Variants in LYRM4 observed in about 807,000 individuals in gnomAD.
LYRM4 encodes the protein LYR motif containing 4, also known as LYR motif-containing protein 4.
A neutral mutation model predicts 11.7 loss-of-function variants in LYRM4; 9 were observed. That is an observed-to-expected ratio of 0.77 (90% CI 0.46 to 1.34). LYRM4 has a LOEUF of 1.34. LYRM4 is among the 40% of genes most tolerant of loss of function. LYRM4 has a pLI of 0.00. For synonymous variants in LYRM4, 42 were observed against 40.4 expected (o/e 1.04, Z -0.15); for missense variants, 133 against 112.5 (o/e 1.18, Z -0.82).
At chr6:5,136,486 T>A (rs1242189561) in intron 2 of LYRM4, 25 of 953,864 alleles carry the variant, frequency 2.6e-5, no homozygotes, top group Non-Finnish European at 3.1e-5. Flanking sequence ...AACCTTGGGT[T>A]TCACCTAACC....
chr6:5,051,892 A>C, the LYRM4 span, among the ~76,000 whole-genome samples: 18 of 152,196 alleles, frequency 1.2e-4, 1 homozygote, highest in African/African-American at 4.3e-4. Flanking sequence ...GAGAGGTAGC[A>C]GGGAGATACC....
At chr6:5,173,604 T>C (rs1330523132) in intron 2 of LYRM4, among the ~76,000 whole-genome samples, 2 of 152,250 alleles carry the variant, frequency 1.3e-5, no homozygotes, top group Admixed American at 6.5e-5. Context: ...TTCAACTAAA[T>C]TATGCTTTTG....
chr6:5,049,179 C>T, the LYRM4 span, among the ~76,000 whole-genome samples: 1 of 152,138 alleles, frequency 6.6e-6, no homozygotes, highest in African/African-American at 2.4e-5. Flanking sequence ...ACCTTCACTT[C>T]CATCCCTGGT....
chr6:5,078,006 C>T, the LYRM4 span, among the ~76,000 whole-genome samples: 1 of 152,080 alleles, frequency 6.6e-6, no homozygotes, highest in Non-Finnish European at 1.5e-5. Flanking sequence ...CTTTCAGAAA[C>T]ATTTTGGGGT....
chr6:5,037,028 T>TTTTTTTTA, the LYRM4 span, among the ~76,000 whole-genome samples: 165 of 11,614 alleles, frequency 0.014, 57 homozygotes, highest in South Asian at 0.036. Context: ...TTTTTTTTTT[T>TTTTTTTTA]ATTGATCATT....
intron 2 of LYRM4, among the ~76,000 whole-genome samples, chr6:5,190,528 G>A (rs150244913): frequency 3.5e-4 from 53 of 152,314 alleles, no homozygotes; most frequent in Middle Eastern, 3.4e-3. Flanking sequence ...CAGGCATGCA[G>A]AGCGTGATAA....
At chr6:5,144,172 G>A (rs1757566580) in intron 2 of LYRM4, 2 of 1,536,788 alleles carry the variant, frequency 1.3e-6, no homozygotes, top group Middle Eastern at 1.7e-4. Context: ...TCTGTCAGGT[G>A]GTTTCCTCAA....
the LYRM4 span, among the ~76,000 whole-genome samples, chr6:5,071,057 G>C: frequency 3.3e-5 from 5 of 151,502 alleles, no homozygotes. Context: ...GCGTGGTAGC[G>C]GGCGCCTATA....
chr6:5,112,726 G>C, intron 2 of LYRM4, among the ~76,000 whole-genome samples: 1 of 152,230 alleles, frequency 6.6e-6, no homozygotes, highest in East Asian at 1.9e-4. Flanking sequence ...CAGGACTAGA[G>C]GGATCTAGAA....
In LYRM4 at chr6:5,110,643, A is replaced by G. The variant is rs546639663; in HGVS notation, c.208-1152T>C. Among the ~76,000 whole-genome samples the G allele has an allele frequency of 3.1e-3, 475 of 152,182 alleles. 1 individual carries two copies. Among genetic ancestry groups the G allele is most frequent in the African/African-American group, 0.011 (441 of 41,524 alleles). ...GAAGTAGACAGTGGAGATATGGGGG[A>G]TGGGGGGATCTTGCAGGTATTTTTA... On this transcript the variant is annotated intron_variant, in intron 2 of 2. Coordinates refer to ENST00000330636, the MANE Select transcript of LYRM4 (RefSeq NM_020408.6).
downstream of LYRM4, chr6:5,105,104 C>G (rs1413867376): frequency 6.6e-6 from 1 of 152,182 alleles, no homozygotes; most frequent in East Asian, 1.9e-4. Context: ...CAGAGATGCT[C>G]TCTGTATTAG....
Position 5,206,909 on chromosome 6 carries a change from A to T in LYRM4, c.207+9709T>A, listed in dbSNP as rs183713989. ...GACCAATCCATGAAATCGCAGCTTC[A>T]TTACCAGACTAGGGAAGATATACAA... On this transcript the variant is annotated intron_variant, in intron 2 of 2. Transcript: ENST00000330636. 8.5e-5 allele frequency among the ~76,000 whole-genome samples: 13 copies of T among 152,108 alleles called. No individual in the cohort carries two copies. In the East Asian group the frequency reaches 2.5e-3, roughly 29 times the overall value.
chr6:5,178,446 CT>C (rs57538719), intron 2 of LYRM4, among the ~76,000 whole-genome samples: 55,231 of 142,880 alleles, frequency 0.39, 11,023 homozygotes, highest in African/African-American at 0.57. Context: ...ATTCATAACT[CT>C]TTTTTTTTTT....
the LYRM4 span, chr6:5,087,443 G>A: frequency 2.0e-5 from 3 of 152,264 alleles, 1 homozygote; most frequent in South Asian, 6.2e-4. Flanking sequence ...GAATTAAGAC[G>A]TTTGGTGAAT....
At chr6:5,223,185 C>A (rs1762685588) in intron 1 of LYRM4, among the ~76,000 whole-genome samples, 1 of 152,220 alleles carries the variant, frequency 6.6e-6, no homozygotes, top group Non-Finnish European at 1.5e-5. Context: ...CAGATAAGCA[C>A]ATCCTCAGAT....
the LYRM4 span, among the ~76,000 whole-genome samples, chr6:5,094,278 T>A: frequency 2.0e-5 from 3 of 151,948 alleles, no homozygotes; most frequent in Non-Finnish European, 4.4e-5. Context: ...GGCCAGGAGT[T>A]CAAGACAAGC....
At chr6:5,230,128 T>C (rs977526929) in intron 1 of LYRM4, among the ~76,000 whole-genome samples, 6 of 152,218 alleles carry the variant, frequency 3.9e-5, no homozygotes, top group Admixed American at 6.5e-5. Context: ...CCTTTTTTGT[T>C]GGGTTTTAGA....
intron 2 of LYRM4, among the ~76,000 whole-genome samples, chr6:5,128,366 A>G (rs574173209): frequency 6.6e-6 from 1 of 152,326 alleles, no homozygotes; most frequent in East Asian, 1.9e-4. Flanking sequence ...TTGCAAAATA[A>G]GAATGCCCTG....
chr6:5,260,596 G>A (rs1049471639), intron 1 of LYRM4, 52 bp downstream of exon 1: 32 of 1,203,980 alleles, frequency 2.7e-5, no homozygotes, highest in South Asian at 2.6e-5. Flanking sequence ...CCGCACCCCC[G>A]GTCCCCGGCC....
Sources: gnomAD v4.1 joint callset for allele counts (sites outside exome capture counted in the v4.1 genomes callset) on GRCh38, gnomAD v4.1.1 for gene constraint, MANE v1.5 for transcripts, NCBI Gene and HGNC (gene_info 2026-07-23, HGNC 2026-07-21) for gene names.